SWAP70: variants seen among roughly 807,000 people sequenced by gnomAD.
SWAP70 encodes the protein switch-associated protein 70.
A neutral mutation model predicts 80.2 loss-of-function variants in SWAP70; 34 were observed. That is an observed-to-expected ratio of 0.42 (90% CI 0.32 to 0.56). The LOEUF is 0.56. Ranked by LOEUF, SWAP70 falls within the 20% of genes least tolerant of loss-of-function variation. The pLI is 0.09. For synonymous variants in SWAP70, 239 were observed against 238.5 expected, an observed-to-expected ratio of 1.00 and a Z score of -0.02; for missense variants, 578 against 690.7, an observed-to-expected ratio of 0.84 and a Z score of 1.83.
intron 1 of SWAP70, among the ~76,000 whole-genome samples, chr11:9,676,061 G>A (rs1012699813): frequency 6.6e-6 from 1 of 152,204 alleles, no homozygotes; most frequent in South Asian, 2.1e-4. Context: ...AGCTGAAGTA[G>A]ATAGCAATAG....
At position 9,690,465 on chromosome 11, in the gene SWAP70, T is replaced by C. The variant is rs115505396; in HGVS notation, c.100-3681T>C. Among the ~76,000 whole-genome samples, 454 of 152,162 alleles carry C rather than the reference T, an allele frequency of 3.0e-3. 1 individual carries two copies. Among genetic ancestry groups the C allele is most frequent in the African/African-American group, 0.01 (417 of 41,506 alleles). On this transcript the variant is annotated intron_variant, in intron 1 of 11. Transcript: ENST00000318950. ...TGGTGGCAGGTGCCTGTAATTCCGC[T>C]ACTTGGGAGGCTGAGGTGGAAAGAT...
intron 1 of SWAP70, among the ~76,000 whole-genome samples, chr11:9,687,855 T>C (rs181020027): frequency 6.6e-6 from 1 of 152,314 alleles, no homozygotes; most frequent in East Asian, 1.9e-4. Flanking sequence ...CATTAGTATC[T>C]GAAACAGAAC....
At chr11:9,728,621 T>C (rs761918090) in intron 5 of SWAP70, among the ~76,000 whole-genome samples, 23 of 152,220 alleles carry the variant, frequency 1.5e-4, no homozygotes, top group Non-Finnish European at 1.5e-5. Context: ...TTGAATACTT[T>C]GGGTGACTTT....
chr11:9,740,326 C>T lies in SWAP70; in HGVS notation c.1334C>T (p.Thr445Ile), dbSNP rs761831452. Residue 445 changes from threonine to isoleucine, a missense_variant, in exon 9 of 12, where the codon ACA (threonine) becomes ATA (isoleucine). By Grantham distance (89) the Thr-to-Ile change is moderately conservative. Transcript: ENST00000318950. Reference protein sequence around the residue: ...DERQARQDEETVRKLQARLLE... With the variant: ...DERQARQDEEIVRKLQARLLE... ...AGACAGGCCCGGCAAGATGAAGAGACAGTGCGGAAGCTTCAGGCCAGGTGC... is the reference window on the plus strand; with the variant it reads ...AGACAGGCCCGGCAAGATGAAGAGATAGTGCGGAAGCTTCAGGCCAGGTGC... 6 of 1,614,070 alleles carry T rather than the reference C, an allele frequency of 3.7e-6. No individual in the cohort carries two copies. Among genetic ancestry groups the T allele is most frequent in the Middle Eastern group, 1.6e-4 (1 of 6,084 alleles).
At chr11:9,743,060 C>A (rs1269470100) in intron 9 of SWAP70, among the ~76,000 whole-genome samples, 2 of 129,260 alleles carry the variant, frequency 1.5e-5, no homozygotes, top group Non-Finnish European at 3.3e-5. Flanking sequence ...TCCCCCCACC[C>A]CACAACAGGC....
At chr11:9,739,885 A>G (rs1476648996) in intron 8 of SWAP70, among the ~76,000 whole-genome samples, 1 of 152,268 alleles carries the variant, frequency 6.6e-6, no homozygotes, top group Non-Finnish European at 1.5e-5. Context: ...GAGAAATTAC[A>G]CAAGGAAACA....
chr11:9,677,010 C>T (rs77772738), intron 1 of SWAP70, among the ~76,000 whole-genome samples: 4,724 of 151,270 alleles, frequency 0.031, 97 homozygotes, highest in Non-Finnish European at 0.045. Flanking sequence ...CACACAGATG[C>T]AGAACCGAGG....
Position 9,676,343 on chromosome 11 carries a change from A to G in SWAP70, c.99+12065A>G, listed in dbSNP as rs191853492. 2.0e-4 allele frequency among the ~76,000 whole-genome samples: 30 copies of G among 151,938 alleles called. No individual in the cohort carries two copies. In the East Asian group the frequency reaches 5.2e-3, roughly 27 times the overall value. On this transcript the variant is annotated intron_variant, in intron 1 of 11. Coordinates refer to ENST00000318950, the MANE Select transcript of SWAP70 (RefSeq NM_015055.4). ...TTCAACGTTAGACATTTTTTCCACC[A>G]TTTTTCCCCCTTGGTTTGGTTTTGG... is the stretch of plus-strand genomic sequence containing the variant.
chr11:9,710,684 A>ATT (rs753577767), intron 2 of SWAP70, among the ~76,000 whole-genome samples: 1 of 145,598 alleles, frequency 6.9e-6, no homozygotes, highest in Non-Finnish European at 1.5e-5. Flanking sequence ...TTCAAAAAAA[A>ATT]TTTTTTTTTT....
At chr11:9,674,368 TATC>T in intron 1 of SWAP70, among the ~76,000 whole-genome samples, 1 of 152,236 alleles carries the variant, frequency 6.6e-6, no homozygotes, top group East Asian at 1.9e-4. Context: ...TTGTCAAACT[TATC>T]AATAAAATCG....
intron 3 of SWAP70, chr11:9,720,111 T>C: frequency 1.0e-6 from 1 of 985,432 alleles, no homozygotes; most frequent in Non-Finnish European, 1.2e-6. Context: ...ACACATGATT[T>C]ATTATTTAGT....
chr11:9,687,806 A>G (rs773506060), intron 1 of SWAP70, among the ~76,000 whole-genome samples: 1 of 152,192 alleles, frequency 6.6e-6, no homozygotes, highest in Non-Finnish European at 1.5e-5. Context: ...CCTCCCTTCA[A>G]TAAGGGAGGA....
chr11:9,724,294 C>T (rs2133804604), intron 3 of SWAP70, among the ~76,000 whole-genome samples: 1 of 152,240 alleles, frequency 6.6e-6, no homozygotes, highest in South Asian at 2.1e-4. Context: ...TAATTTAGCG[C>T]TTGTTTGTTG....
chr11:9,665,674 C>G (rs867496067), intron 1 of SWAP70, among the ~76,000 whole-genome samples: 2 of 152,114 alleles, frequency 1.3e-5, no homozygotes, highest in Admixed American at 1.3e-4. Flanking sequence ...AGCATAATGC[C>G]TTAGAGATTA....
At chr11:9,691,734 T>C (rs1850700085) in intron 1 of SWAP70, among the ~76,000 whole-genome samples, 1 of 152,180 alleles carries the variant, frequency 6.6e-6, no homozygotes, top group African/African-American at 2.4e-5. Context: ...AAATTTAATA[T>C]CTGTGAGTCT....
intron 3 of SWAP70, among the ~76,000 whole-genome samples, chr11:9,718,682 A>G (rs977373085): frequency 7.3e-6 from 1 of 136,428 alleles, no homozygotes; most frequent in Non-Finnish European, 1.6e-5. Flanking sequence ...ACTTGTTATC[A>G]GTAGTTTTTA....
At chr11:9,684,444 A>T (rs1433504208) in intron 1 of SWAP70, among the ~76,000 whole-genome samples, 3 of 152,164 alleles carry the variant, frequency 2.0e-5, no homozygotes. Flanking sequence ...CTTGGAGATG[A>T]GTGTACTAAA....
chr11:9,700,870 A>G (rs2134455138), intron 2 of SWAP70, among the ~76,000 whole-genome samples: 2 of 152,154 alleles, frequency 1.3e-5, no homozygotes, highest in Admixed American at 1.3e-4. Context: ...AAGTTGTTTT[A>G]AGGTGATTCT....
At chr11:9,734,285 A>C (rs1590044619) in intron 7 of SWAP70, among the ~76,000 whole-genome samples, 2 of 152,348 alleles carry the variant, frequency 1.3e-5, no homozygotes. Context: ...AAATGGAATC[A>C]TACAGAATGT....
Sources: gnomAD v4.1 joint callset for allele counts (sites outside exome capture counted in the v4.1 genomes callset) on GRCh38, gnomAD v4.1.1 for gene constraint, MANE v1.5 for transcripts, NCBI Gene and HGNC (gene_info 2026-07-23, HGNC 2026-07-21) for gene names.